Variants in ZNF518A observed in about 807,000 individuals in gnomAD.
ZNF518A encodes the protein zinc finger protein 518A, also known as zinc finger protein 518.
Under a neutral mutation model 102.7 loss-of-function variants are expected in ZNF518A, and 47 were observed. That is an observed-to-expected ratio of 0.46 (90% CI 0.36 to 0.58). ZNF518A has a LOEUF of 0.58. Among genes scored for constraint, ZNF518A ranks in the 20% least tolerant of loss-of-function variants. The pLI is 0.00. For missense variants in ZNF518A, 1,793 were observed against 1,699.8 expected (o/e 1.05, Z -0.96); for synonymous variants, 652 against 594.6 (o/e 1.10, Z -1.40).
At chr10:96,140,680 C>G (rs2081873781) in intron 3 of ZNF518A, among the ~76,000 whole-genome samples, 1 of 151,802 alleles carries the variant, frequency 6.6e-6, no homozygotes, top group African/African-American at 2.4e-5. Flanking sequence ...TCTGTAGTCT[C>G]AGCACTTTGG....
chr10:96,185,263 G>A (rs781805673), intron 1 of ZNF518A, among the ~76,000 whole-genome samples: 31 of 152,204 alleles, frequency 2.0e-4, no homozygotes, highest in Non-Finnish European at 3.8e-4. Flanking sequence ...CCTTTAGCTC[G>A]GAGAAGTTTT....
downstream of ZNF518A, among the ~76,000 whole-genome samples, chr10:96,168,113 C>T (rs990389123): frequency 2.0e-5 from 3 of 152,178 alleles, no homozygotes; most frequent in African/African-American, 7.2e-5. Flanking sequence ...ACAAGAGTTA[C>T]GAACAGATAT....
chr10:96,135,131 A>G (rs2081533703), intron 3 of ZNF518A: 1 of 152,192 alleles, frequency 6.6e-6, no homozygotes, highest in Admixed American at 6.5e-5. Context: ...TGCTAGGACA[A>G]AGATACTACC....
chr10:96,157,172 T>A lies in ZNF518A; in HGVS notation c.850T>A (p.Leu284Met). 1.2e-6 allele frequency: 2 copies of A among 1,613,066 alleles called. No homozygotes were observed. Among genetic ancestry groups the A allele is most frequent in the Non-Finnish European group, 1.7e-6 (2 of 1,179,506 alleles). Residue 284 changes from leucine (L) to methionine (M), a missense_variant, in exon 6 of 6, where the codon TTG becomes ATG. This residue lies in a region of ZNF518A where 1,741 missense variants were observed against 1,622.6 expected (regional missense o/e 1.07). Coordinates refer to ENST00000316045, the MANE Select transcript of ZNF518A (RefSeq NM_001330736.2). ...ACACCTTGTAAGACATGTTATAACT[T>A]TGCACAAAGAACATTTATATGCAAA... Reference protein sequence around the residue: ...REHLVRHVITLHKEHLYAKEK... With the variant: ...REHLVRHVITMHKEHLYAKEK...
downstream of ZNF518A, among the ~76,000 whole-genome samples, chr10:96,167,541 A>G (rs782058983): frequency 3.3e-5 from 5 of 152,088 alleles, no homozygotes; most frequent in Non-Finnish European, 7.4e-5. Flanking sequence ...TAGAGAACAT[A>G]GAGATAGAAA....
chr10:96,178,131 A>G (rs2083216989), intron 1 of ZNF518A, among the ~76,000 whole-genome samples: 1 of 152,146 alleles, frequency 6.6e-6, no homozygotes. Flanking sequence ...AACTTGAACT[A>G]AATGATTTTA....
At chr10:96,164,905 TAAG>T (rs2083112280), downstream of ZNF518A, among the ~76,000 whole-genome samples, 1 of 152,208 alleles carries the variant, frequency 6.6e-6, no homozygotes, top group African/African-American at 2.4e-5. Context: ...ATCTTTCAAT[TAAG>T]GAGTGAAATG....
chr10:96,141,018 A>G (rs2081897620), intron 3 of ZNF518A, among the ~76,000 whole-genome samples: 1 of 152,324 alleles, frequency 6.6e-6, no homozygotes, highest in Middle Eastern at 3.4e-3. Flanking sequence ...TATTGCAGCA[A>G]AAAAGTTTAC....
chr10:96,191,934 A>G lies in ZNF518A; in HGVS notation n.36-11640A>G, dbSNP rs1554893520. On this transcript the variant is annotated intron_variant and non_coding_transcript_variant, in intron 1 of 2. Transcript: ENST00000442635. ...TTCTCAAAAGGAGAAACTTTGGGAA[A>G]GTGTCTGAAGCAATGGTATTGATCT... 1.9e-6 allele frequency: 3 copies of G among 1,612,458 alleles called. No individual in the cohort carries two copies. In the South Asian group the frequency reaches 3.3e-5, roughly 18 times the overall value.
In ZNF518A at chr10:96,157,025, A is replaced by G; in HGVS notation, c.703A>G (p.Lys235Glu). The G allele has an allele frequency of 6.2e-7, 1 of 1,613,808 alleles. No homozygotes were observed. The highest frequency in any genetic ancestry group is 8.5e-7 in the Non-Finnish European group (1 of 1,179,754). Residue 235 changes from lysine to glutamate, a missense_variant, in exon 6 of 6, where the codon AAG (lysine) becomes GAG (glutamate). By Grantham distance (56) the Lys-to-Glu change is moderately conservative. Around this residue, in one of 3 missense-constraint regions of ZNF518A, gnomAD observed 1,741 missense variants for 1,622.6 expected, o/e 1.07. Coordinates refer to ENST00000316045, the MANE Select transcript of ZNF518A (RefSeq NM_001330736.2). ...HIHRHNEIHY[K>E]CGKCHHVCFT... ...TCATAGACATAATGAAATTCATTAT[A>G]AGTGTGGTAAATGTCATCATGTATG...
In ZNF518A at chr10:96,130,437, A is replaced by AGGAGCTG. The variant is rs1554871082; in HGVS notation, c.-765_-759dup. ...TGAACTCTACACTCTCCTACATTCT[A>AGGAGCTG]GGAGCTGGGTGGGAGTAGGAGACGG... On this transcript the variant is annotated 5_prime_UTR_variant, in exon 1 of 6. Coordinates refer to ENST00000316045, the MANE Select transcript of ZNF518A (RefSeq NM_001330736.2). 6.6e-6 allele frequency among the ~76,000 whole-genome samples: 1 copy of AGGAGCTG among 152,090 alleles called. No homozygotes were observed. The highest frequency in any genetic ancestry group is 1.5e-5 in the Non-Finnish European group (1 of 68,014).
Position 96,160,851 on chromosome 10 carries a change from A to T in ZNF518A, c.*77A>T. 7.2e-7 allele frequency: 1 copy of T among 1,385,890 alleles called. No individual in the cohort carries two copies. The highest frequency in any genetic ancestry group is 1.5e-5 in the African/African-American group (1 of 68,340). 85.8% of individuals were successfully genotyped at this position (1,385,890 alleles called of 1,614,324 possible). On this transcript the variant is annotated 3_prime_UTR_variant, in exon 6 of 6. Coordinates refer to ENST00000316045, the MANE Select transcript of ZNF518A (RefSeq NM_001330736.2). The stretch of plus-strand genomic sequence containing the variant: ...AACGGGTTCAGTTACCATAATGCAG[A>T]CATTTTCTACTTCAGTATAGTACCT...
intron 1 of ZNF518A, chr10:96,189,415 G>A (rs1227653556): frequency 1.7e-5 from 10 of 597,532 alleles, no homozygotes; most frequent in East Asian, 1.6e-4. Context: ...TCAGTTGTCC[G>A]GAAGCAATTC....
chr10:96,156,881 G>A lies in ZNF518A; in HGVS notation c.559G>A (p.Val187Ile), dbSNP rs374260712. ...ATGTGACATTTGTAACAATGAGAGT[G>A]TATATACTTTACTGAACTTGACAAA... is the stretch of plus-strand genomic sequence containing the variant. ...VKCDICNNES[V>I]YTLLNLTKHF... Residue 187 changes from valine (V) to isoleucine (I), a missense_variant, in exon 6 of 6, where the codon GTA (valine) becomes ATA (isoleucine). Val to Ile is a conservative substitution (Grantham distance 29). Coordinates refer to ENST00000316045, the MANE Select transcript of ZNF518A (RefSeq NM_001330736.2). The A allele has an allele frequency of 3.1e-5, 50 of 1,613,694 alleles. No individual in the cohort carries two copies. Among genetic ancestry groups the A allele is most frequent in the Non-Finnish European group, 3.9e-5 (46 of 1,179,792 alleles).
intron 1 of ZNF518A, among the ~76,000 whole-genome samples, chr10:96,202,882 G>A (rs1554896576): frequency 6.6e-6 from 1 of 152,182 alleles, no homozygotes; most frequent in Admixed American, 6.5e-5. Flanking sequence ...CCAGCTCTTT[G>A]TGGAATGAGC....
chr10:96,181,444 G>A (rs1193789616), intron 1 of ZNF518A, among the ~76,000 whole-genome samples: 38 of 152,246 alleles, frequency 2.5e-4, no homozygotes, highest in Non-Finnish European at 4.7e-4. Context: ...GAATGGTATT[G>A]CCTAGGTTTT....
intron 1 of ZNF518A, chr10:96,203,545 C>G (rs781974670): frequency 6.6e-6 from 1 of 152,224 alleles, no homozygotes; most frequent in African/African-American, 2.4e-5. Context: ...GTTCTGTGAG[C>G]CTGACTTATC....
In ZNF518A at chr10:96,156,336, A is replaced by G; in HGVS notation, c.14A>G (p.Gln5Arg). Reference protein sequence around the residue: MPSEQKQLFCDEKQT... With the variant: MPSERKQLFCDEKQT... ...TTTGGTTAAATCATGCCATCTGAACAGAAACAGTTATTTTGTGATGAAAAA... is the reference window on the plus strand; with the variant it reads ...TTTGGTTAAATCATGCCATCTGAACGGAAACAGTTATTTTGTGATGAAAAA... The change falls in exon 6 of 6, where the codon CAG (glutamine) becomes CGG (arginine). Residue 5 changes from glutamine to arginine, a missense_variant. Coordinates refer to ENST00000316045, the MANE Select transcript of ZNF518A (RefSeq NM_001330736.2). 1 of 1,575,128 alleles carries G rather than the reference A, an allele frequency of 6.3e-7. No individual in the cohort carries two copies. The highest frequency in any genetic ancestry group is 8.6e-7 in the Non-Finnish European group (1 of 1,166,586).
intron 1 of ZNF518A, among the ~76,000 whole-genome samples, chr10:96,201,868 T>C (rs893296686): frequency 6.6e-6 from 1 of 152,116 alleles, no homozygotes; most frequent in Non-Finnish European, 1.5e-5. Flanking sequence ...TTTAATGGAT[T>C]GAGATGGGCA....
Sources: gnomAD v4.1 joint callset for allele counts (sites outside exome capture counted in the v4.1 genomes callset) on GRCh38, gnomAD v4.1.1 for gene constraint, gnomAD v4.1.1 regional missense constraint, MANE v1.5 for transcripts, NCBI Gene and HGNC (gene_info 2026-07-23, HGNC 2026-07-21) for gene names.